Variants in DMD observed in about 807,000 individuals in gnomAD.
DMD encodes mutant dystrophin.
A neutral mutation model predicts 330.1 loss-of-function variants in DMD; 63 were observed. That is an observed-to-expected ratio of 0.19 (90% CI 0.16 to 0.24). The LOEUF (loss-of-function observed/expected upper bound fraction) is 0.24, where lower values mean the gene tolerates loss of function less well. Among genes scored for constraint, DMD ranks in the 10% least tolerant of loss-of-function variants. The probability of loss-of-function intolerance (pLI) is 1.00; values close to 1 mark genes in which losing one functional copy is unlikely to be tolerated. For synonymous variants in DMD, 1,223 were observed against 959.8 expected (o/e 1.27, Z -5.07); for missense variants, 3,344 against 2,684.1 (o/e 1.25, Z -5.43).
At chrX:31,495,844 A>G (rs944283506) in intron 57 of DMD, among the ~76,000 whole-genome samples, 2 of 111,851 alleles carry the variant, frequency 1.8e-5, no homozygotes, top group African/African-American at 6.5e-5. Context: ...CTGATGATGG[A>G]AGAATACACG....
At chrX:31,142,303 C>G (rs1337329631) in intron 76 of DMD, among the ~76,000 whole-genome samples, 1 of 110,748 alleles carries the variant, frequency 9.0e-6, no homozygotes, top group African/African-American at 3.3e-5. Context: ...GAAACCTAAC[C>G]ATTGAGTGGA....
At chrX:32,488,921 C>T (rs1025016196) in intron 20 of DMD, among the ~76,000 whole-genome samples, 4 of 110,838 alleles carry the variant, frequency 3.6e-5, no homozygotes, top group African/African-American at 1.3e-4. Context: ...TCCCTCTTGC[C>T]ATGTTCCTTC....
At chrX:32,069,298 AAAAAT>A (rs1312626603) in intron 44 of DMD, among the ~76,000 whole-genome samples, 2 of 111,900 alleles carry the variant, frequency 1.8e-5, no homozygotes, top group African/African-American at 3.2e-5. Flanking sequence ...GTATCAACAC[AAAAAT>A]AAAATAAAAG....
intron 50 of DMD, among the ~76,000 whole-genome samples, chrX:31,805,326 T>A (rs758058009): frequency 1.8e-5 from 2 of 112,125 alleles, no homozygotes; most frequent in East Asian, 5.6e-4. Context: ...GGGAGACCAT[T>A]CTACCTTTGT....
intron 63 of DMD, among the ~76,000 whole-genome samples, chrX:31,244,015 T>C (rs1457792352): frequency 8.9e-6 from 1 of 112,540 alleles, no homozygotes; most frequent in East Asian, 2.7e-4. Context: ...GAAAAGAACA[T>C]GGGAACTGTA....
At chrX:31,666,320 A>C (rs976319258) in intron 53 of DMD, among the ~76,000 whole-genome samples, 21 of 111,895 alleles carry the variant, frequency 1.9e-4, no homozygotes, top group African/African-American at 6.8e-4. Flanking sequence ...AGGCTCAAGA[A>C]CCATGTTCCT....
Position 32,836,461 on chromosome X carries a change from T to C in DMD, c.264+8322A>G, listed in dbSNP as rs191277036. Among the ~76,000 whole-genome samples, 52 of 111,900 alleles carry C rather than the reference T, an allele frequency of 4.6e-4. No individual in the cohort carries two copies. In the East Asian group the frequency reaches 0.011, roughly 23 times the overall value. ...ACATTTGTTTTTCTCCCTCCTTGTC[T>C]GGATCACATTCATAAGATATTAATC... On this transcript the variant is annotated intron_variant, in intron 4 of 78. Transcript: ENST00000357033.
rs1352857504 is a variant in DMD, at chrX:32,472,237, T to A, written c.2876A>T (p.Glu959Val). Residue 959 changes from glutamate (E) to valine (V), a missense_variant, in exon 22 of 79, where the codon GAA becomes GTA. By Grantham distance (121) the Glu-to-Val change is moderately radical. Transcript: ENST00000357033. ...SAIRTWVQQSETKLSIPQLSV... is the reference protein window; with the variant it reads ...SAIRTWVQQSVTKLSIPQLSV... ...AAGTTGAGGTATGGAGAGTTTGGTT[T>A]CTGACTGCTGGACCCATGTCCTGAT... The A allele has an allele frequency of 8.3e-7, 1 of 1,211,229 alleles. No homozygotes were observed. Among genetic ancestry groups the A allele is most frequent in the Admixed American group, 2.2e-5 (1 of 46,011 alleles).
intron 7 of DMD, among the ~76,000 whole-genome samples, chrX:32,794,007 A>G (rs192723299): frequency 8.9e-6 from 1 of 111,816 alleles, no homozygotes; most frequent in Non-Finnish European, 1.9e-5. Flanking sequence ...TAGCAATCCA[A>G]TAGAACATAA....
At chrX:32,372,933 A>C (rs1275173999) in intron 34 of DMD, among the ~76,000 whole-genome samples, 1 of 110,665 alleles carries the variant, frequency 9.0e-6, no homozygotes, top group Non-Finnish European at 1.9e-5. Context: ...AAACATGGTC[A>C]CAGGGTAAGG....
Position 31,509,446 on chromosome X carries a change from T to C in DMD, c.8218-1993A>G, listed in dbSNP as rs766605780. ...TGATTTGTACAGTACTTTCCTTTTG[T>C]GTATGCACTTAGGGGATTAAAGACA... On this transcript the variant is annotated intron_variant, in intron 55 of 78. Coordinates refer to ENST00000357033, the MANE Select transcript of DMD (RefSeq NM_004006.3). Among the ~76,000 whole-genome samples, 12 of 110,971 alleles carry C rather than the reference T, an allele frequency of 1.1e-4. No homozygotes were observed. In the South Asian group the frequency reaches 4.6e-3, roughly 42 times the overall value.
intron 77 of DMD, among the ~76,000 whole-genome samples, chrX:31,128,396 T>C: frequency 8.9e-6 from 1 of 111,861 alleles, no homozygotes. Context: ...TTCTGTGTTA[T>C]AAGTAACTTG....
intron 44 of DMD, among the ~76,000 whole-genome samples, chrX:32,040,560 C>T (rs1007759760): frequency 2.7e-5 from 3 of 111,673 alleles, no homozygotes; most frequent in Non-Finnish European, 5.6e-5. Flanking sequence ...GACATAAGAA[C>T]TCTCTGGATG....
chrX:31,364,053 C>A (rs1194492882), intron 60 of DMD, among the ~76,000 whole-genome samples: 1 of 112,882 alleles, frequency 8.9e-6, no homozygotes, highest in Non-Finnish European at 1.9e-5. Flanking sequence ...ATTGTCAGAT[C>A]TGCCCAATTC....
chrX:33,130,500 A>C (rs1475493354), intron 1 of DMD, among the ~76,000 whole-genome samples: 1 of 109,429 alleles, frequency 9.1e-6, no homozygotes. Flanking sequence ...CTCTGGGGCC[A>C]CTAGTGTAAA....
chrX:32,973,328 C>A (rs996026310), intron 2 of DMD, among the ~76,000 whole-genome samples: 1 of 112,039 alleles, frequency 8.9e-6, no homozygotes, highest in Non-Finnish European at 1.9e-5. Flanking sequence ...AAAATATGGT[C>A]CCAAAACTCA....
chrX:32,044,656 T>G (rs1289417816), intron 44 of DMD, among the ~76,000 whole-genome samples: 1 of 110,642 alleles, frequency 9.0e-6, no homozygotes, highest in Non-Finnish European at 1.9e-5. Flanking sequence ...TCTCCTGACA[T>G]CATGATCCGC....
At chrX:32,669,843 A>G (rs984862279) in intron 9 of DMD, among the ~76,000 whole-genome samples, 1 of 111,149 alleles carries the variant, frequency 9.0e-6, no homozygotes, top group Non-Finnish European at 1.9e-5. Context: ...AATAAAATGT[A>G]TCTCCTTGAG....
intron 21 of DMD, among the ~76,000 whole-genome samples, chrX:32,478,765 T>G (rs1047778349): frequency 2.7e-5 from 3 of 111,791 alleles, no homozygotes; most frequent in African/African-American, 9.7e-5. Context: ...TGCAACTTGC[T>G]CTGCTGAAAG....
Sources: allele counts gnomAD v4.1 joint callset (sites outside exome capture counted in the v4.1 genomes callset), GRCh38; gene constraint gnomAD v4.1.1; transcripts MANE v1.5; gene names NCBI Gene and HGNC (gene_info 2026-07-23, HGNC 2026-07-21).